ANAPC4: variants seen among roughly 807,000 people sequenced by gnomAD.
ANAPC4 encodes the protein anaphase promoting complex subunit 4.
In ANAPC4, 63 loss-of-function variants were observed where a neutral mutation model predicts 119.8. The observed-to-expected ratio is 0.53, with a 90% CI of 0.43 to 0.65. ANAPC4 has a LOEUF of 0.65. Among genes scored for constraint, ANAPC4 ranks in the 30% least tolerant of loss-of-function variants. The pLI is 0.00. For synonymous variants in ANAPC4, 283 were observed against 318.6 expected, an observed-to-expected ratio of 0.89 and a Z score of 1.19; for missense variants, 716 against 945.1, an observed-to-expected ratio of 0.76 and a Z score of 3.18.
chr4:25,391,860 G>T (rs1722364083), intron 9 of ANAPC4, among the ~76,000 whole-genome samples: 1 of 152,100 alleles, frequency 6.6e-6, no homozygotes, highest in African/African-American at 2.4e-5. Context: ...ATCTTCTTAA[G>T]GTTATGTGAA....
At chr4:25,393,951 C>A in intron 11 of ANAPC4, 60 bp downstream of exon 11, 1 of 1,326,188 alleles carries the variant, frequency 7.5e-7, no homozygotes, top group African/African-American at 1.5e-5. Context: ...ATGTCTTTAC[C>A]TTGAGGTACA....
intron 27 of ANAPC4, 172 bp from the exon 28 acceptor site, chr4:25,417,444 A>C (rs1723947791): frequency 4.7e-6 from 3 of 633,146 alleles, no homozygotes; most frequent in Non-Finnish European, 7.1e-6. Flanking sequence ...TGGAATTTTT[A>C]TAGAATATTA....
chr4:25,407,332 C>A, intron 20 of ANAPC4, 79 bp downstream of exon 20: 2 of 1,085,394 alleles, frequency 1.8e-6, no homozygotes, highest in Non-Finnish European at 1.3e-6. Context: ...AATTACAATA[C>A]CAAGTAATAC....
At chr4:25,417,775 T>G in intron 28 of ANAPC4, 36 bp downstream of exon 28, 1 of 1,580,848 alleles carries the variant, frequency 6.3e-7, no homozygotes, top group East Asian at 2.2e-5. Flanking sequence ...ACTAAGAAAT[T>G]ACAAGAAGTA....
chr4:25,406,745 G>C (rs2109137453), intron 18 of ANAPC4, 84 bp from the exon 19 acceptor site: 1 of 1,040,162 alleles, frequency 9.6e-7, no homozygotes. Context: ...TAGTAAAAAT[G>C]TCACATTTAT....
chr4:25,377,774 CT>C (rs1721490694), intron 2 of ANAPC4, among the ~76,000 whole-genome samples: 1 of 152,250 alleles, frequency 6.6e-6, no homozygotes, highest in Non-Finnish European at 1.5e-5. Flanking sequence ...ATTTTCGGTA[CT>C]TTTATGGCTA....
intron 16 of ANAPC4, among the ~76,000 whole-genome samples, chr4:25,400,717 A>G (rs983732470): frequency 2.0e-5 from 3 of 152,222 alleles, no homozygotes; most frequent in African/African-American, 7.2e-5. Context: ...AGCAAGGACC[A>G]GGTTAAAATG....
At chr4:25,401,542 T>C (rs973169765) in intron 16 of ANAPC4, among the ~76,000 whole-genome samples, 1 of 152,200 alleles carries the variant, frequency 6.6e-6, no homozygotes, top group East Asian at 1.9e-4. Flanking sequence ...AGGTCTTCTG[T>C]TAGACCTGAC....
intron 12 of ANAPC4, 46 bp downstream of exon 12, chr4:25,394,420 C>T (rs2109123189): frequency 3.4e-6 from 5 of 1,475,108 alleles, no homozygotes; most frequent in East Asian, 2.4e-5. Context: ...TCTTTTTTAA[C>T]AGTAATTATT....
chr4:25,413,608 T>C (rs1396363369), intron 21 of ANAPC4, 37 bp from the exon 22 acceptor site: 3 of 1,503,218 alleles, frequency 2.0e-6, no homozygotes, highest in Non-Finnish European at 9.2e-7. Flanking sequence ...TTGCTATAGC[T>C]TCTTTTATTT....
At position 25,388,700 on chromosome 4, in the gene ANAPC4, T is replaced by C; in HGVS notation, c.444-17T>C. 1 of 1,600,604 alleles carries C rather than the reference T, an allele frequency of 6.2e-7. No homozygotes were observed. The highest frequency in any genetic ancestry group is 8.5e-7 in the Non-Finnish European group (1 of 1,172,484). The stretch of plus-strand genomic sequence containing the variant: ...TTACTAAGAGTATTTTTTACCTTAA[T>C]CTCTGTTTCCTTCTAGCTATAGCAA... On this transcript the variant is annotated splice_polypyrimidine_tract_variant and intron_variant, in intron 5 of 28. Transcript: ENST00000315368.
chr4:25,400,241 G>A (rs13109196), intron 16 of ANAPC4, among the ~76,000 whole-genome samples: 3,576 of 152,192 alleles, frequency 0.023, 78 homozygotes, highest in South Asian at 0.11. Flanking sequence ...GAATGATCTA[G>A]AAGGTAAAAA....
Position 25,414,465 on chromosome 4 carries a change from G to C in ANAPC4, c.1686-1G>C. On this transcript the variant is annotated splice_acceptor_variant, in intron 23 of 28. Transcript: ENST00000315368. LOFTEE classifies it high-confidence loss of function. ...TCATTTCTTTTTCCCTTTTATTTTA[G>C]TGAGGATTCTACACGTAGATTGTTC... 6.2e-7 allele frequency: 1 copy of C among 1,600,926 alleles called. No individual in the cohort carries two copies. The highest frequency in any genetic ancestry group is 8.5e-7 in the Non-Finnish European group (1 of 1,170,640).
At chr4:25,390,355 A>G in intron 8 of ANAPC4, 135 bp downstream of exon 8, 1 of 556,336 alleles carries the variant, frequency 1.8e-6, no homozygotes, top group Non-Finnish European at 3.1e-6. Flanking sequence ...TTCAGAGACT[A>G]ATTTCCTTAC....
At chr4:25,391,114 A>C in intron 9 of ANAPC4, 99 bp downstream of exon 9, 1 of 850,820 alleles carries the variant, frequency 1.2e-6, no homozygotes, top group Non-Finnish European at 1.8e-6. Context: ...ATGATCATTA[A>C]AATAATGCAA....
At position 25,414,715 on chromosome 4, in the gene ANAPC4, G is replaced by T. The variant is rs1723766511; in HGVS notation, c.1826+15G>T. 1 of 1,479,820 alleles carries T rather than the reference G, an allele frequency of 6.8e-7. No individual in the cohort carries two copies. The highest frequency in any genetic ancestry group is 1.4e-5 in the South Asian group (1 of 72,644). 91.7% of individuals were successfully genotyped at this position (1,479,820 alleles called of 1,614,324 possible). ...GATATTTCTCAGTAAGTATTAATCT[G>T]AAGTTTGAATCAAAGAGATAAGATT... On this transcript the variant is annotated intron_variant, in intron 25 of 28. Coordinates refer to ENST00000315368, the MANE Select transcript of ANAPC4 (RefSeq NM_013367.3).
rs1205053045 is a variant in ANAPC4 at position 25,377,526 on chromosome 4, T to C, written c.99T>C (p.Asp33=). ...TCCTGGTCTGGTCGCCCAAGCGGGA[T>C]CTCATTGCTTTGGCCAACACAGCTG... The part of the protein sequence containing the change: ...IIFLVWSPKR[D]LIALANTAGE... The change falls in exon 2 of 29, where the codon GAT becomes GAC. Residue 33 remains aspartate (D), a synonymous_variant. Coordinates refer to ENST00000315368, the MANE Select transcript of ANAPC4 (RefSeq NM_013367.3). The C allele has an allele frequency of 4.3e-6, 7 of 1,613,344 alleles. No individual in the cohort carries two copies. The African/African-American group carries it at 9.3e-5, about 22-fold the overall frequency.
rs1432083276 is a variant in ANAPC4 at position 25,414,485 on chromosome 4, T to C, written c.1705T>C (p.Leu569=). Reference sequence around the variant, plus strand: ...TTTTAGTGAGGATTCTACACGTAGATTGTTCAAATTTCCTTTTCTGTAAGT... The same window carrying C: ...TTTTAGTGAGGATTCTACACGTAGACTGTTCAAATTTCCTTTTCTGTAAGT... ...DTRSEDSTRR[L]FKFPFLWNNK... is the part of the protein sequence containing the mutation. Residue 569 remains leucine (L), a synonymous_variant, in exon 24 of 29, where the codon TTG becomes CTG. Transcript: ENST00000315368. 6.2e-7 allele frequency: 1 copy of C among 1,600,594 alleles called. No homozygotes were observed. Among genetic ancestry groups the C allele is most frequent in the Non-Finnish European group, 8.5e-7 (1 of 1,170,108 alleles).
At chr4:25,402,942 T>C (rs756981878) in intron 16 of ANAPC4, 29 bp from the exon 17 acceptor site, 69 of 1,359,520 alleles carry the variant, frequency 5.1e-5, no homozygotes, top group Non-Finnish European at 6.4e-5. Context: ...ACTAATCTTA[T>C]TTCTGATTTT....
Sources: gnomAD v4.1 joint callset for allele counts (sites outside exome capture counted in the v4.1 genomes callset) on GRCh38, gnomAD v4.1.1 for gene constraint, MANE v1.5 for transcripts, NCBI Gene and HGNC (gene_info 2026-07-23, HGNC 2026-07-21) for gene names.